Variants in CDYL observed in about 807,000 individuals in gnomAD.
The protein encoded by CDYL is chromodomain Y-like protein.
CDYL carries 8 observed loss-of-function variants against 47.3 expected under a neutral mutation model. That is an observed-to-expected ratio of 0.17 (90% CI 0.10 to 0.31). CDYL has a LOEUF of 0.31. CDYL is among the 10% of genes least tolerant of loss of function. The pLI is 1.00. For synonymous variants in CDYL, 266 were observed against 265.0 expected (o/e 1.00, Z -0.04); for missense variants, 471 against 701.4 (o/e 0.67, Z 3.71).
intron 1 of CDYL, among the ~76,000 whole-genome samples, chr6:4,866,475 C>G (rs1342954148): frequency 6.6e-6 from 1 of 151,972 alleles, no homozygotes; most frequent in Non-Finnish European, 1.5e-5. Flanking sequence ...CAACTGCATG[C>G]CAACAAGTAT....
chr6:4,909,290 G>A (rs1757333726), intron 2 of CDYL, among the ~76,000 whole-genome samples: 1 of 152,178 alleles, frequency 6.6e-6, no homozygotes, highest in Non-Finnish European at 1.5e-5. Flanking sequence ...TCAGGGAAGG[G>A]CTGCTGTGTC....
intron 1 of CDYL, among the ~76,000 whole-genome samples, chr6:4,820,421 A>G (rs1211421671): frequency 6.6e-6 from 1 of 152,122 alleles, no homozygotes; most frequent in Non-Finnish European, 1.5e-5. Context: ...AACTTTCTGA[A>G]CCCAGCTTGT....
intron 1 of CDYL, among the ~76,000 whole-genome samples, chr6:4,853,463 T>C (rs986080593): frequency 1.3e-5 from 2 of 152,136 alleles, no homozygotes; most frequent in Admixed American, 6.5e-5. Flanking sequence ...ACTGCCAGTT[T>C]TGGCAGACCT....
At position 4,892,313 on chromosome 6, in the gene CDYL, C is replaced by G. The variant is rs1416794557; in HGVS notation, c.625C>G (p.Leu209Val). ...GGGGAGCAGGCCCAGGATACACCCA[C>G]TAGTGCCTCAGGTGCCCGGCCCTGT... Reference protein sequence around the residue: ...RMGSRPRIHPLVPQVPGPVTA... With the variant: ...RMGSRPRIHPVVPQVPGPVTA... The change falls in exon 2 of 7, where the codon CTA becomes GTA. Residue 209 changes from leucine (L) to valine (V), a missense_variant. Physicochemically the swap from Leu to Val is conservative, Grantham distance 32. Around this residue, in one of 3 missense-constraint regions of CDYL, gnomAD observed 311 missense variants for 350.0 expected, o/e 0.89. Transcript: ENST00000397588. 6.2e-7 allele frequency: 1 copy of G among 1,614,118 alleles called. No individual in the cohort carries two copies. Among genetic ancestry groups the G allele is most frequent in the Non-Finnish European group, 8.5e-7 (1 of 1,180,024 alleles).
intron 3 of CDYL, among the ~76,000 whole-genome samples, chr6:4,752,538 G>T (rs1408860384): frequency 6.6e-6 from 1 of 152,096 alleles, no homozygotes; most frequent in African/African-American, 2.4e-5. Context: ...CCCTCCTGGG[G>T]CTCTCCTAAC....
Position 4,954,097 on chromosome 6 carries a change from C to A in CDYL, c.*41C>A. ...CTGGTGACACCGGGATCGGGCTGAG[C>A]AGGAGAACATCACCGGCTCCAGTTC... On this transcript the variant is annotated 3_prime_UTR_variant, in exon 7 of 7. Coordinates refer to ENST00000397588, the MANE Select transcript of CDYL (RefSeq NM_004824.4). 6.3e-7 allele frequency: 1 copy of A among 1,584,122 alleles called. No homozygotes were observed. Among genetic ancestry groups the A allele is most frequent in the African/African-American group, 1.3e-5 (1 of 74,498 alleles).
chr6:4,948,347 A>C (rs185723631), intron 5 of CDYL, among the ~76,000 whole-genome samples: 143 of 152,300 alleles, frequency 9.4e-4, no homozygotes, highest in Non-Finnish European at 1.8e-3. Flanking sequence ...TCAGGGGTAG[A>C]GGTGTCAGAG....
At chr6:4,713,271 T>C (rs1201466127) in intron 1 of CDYL, among the ~76,000 whole-genome samples, 2 of 152,102 alleles carry the variant, frequency 1.3e-5, no homozygotes, top group Non-Finnish European at 2.9e-5. Flanking sequence ...CTACCCGGCA[T>C]CTCCTTCCTC....
chr6:4,838,245 T>G (rs1040098797), intron 1 of CDYL, among the ~76,000 whole-genome samples: 2 of 152,188 alleles, frequency 1.3e-5, no homozygotes, highest in East Asian at 1.9e-4. Flanking sequence ...GAGATTTTGG[T>G]GCACCCATCA....
At chr6:4,783,151 A>G (rs1243635529) in intron 1 of CDYL, among the ~76,000 whole-genome samples, 2 of 150,934 alleles carry the variant, frequency 1.3e-5, no homozygotes, top group South Asian at 2.1e-4. Flanking sequence ...CAGATCGTCC[A>G]TCTTCTATCT....
intron 1 of CDYL, among the ~76,000 whole-genome samples, chr6:4,820,415 TTCTGAAC>T (rs1239769899): frequency 6.6e-6 from 1 of 152,132 alleles, no homozygotes; most frequent in Non-Finnish European, 1.5e-5. Context: ...AGGTTCAACT[TTCTGAAC>T]CCAGCTTGTA....
intron 2 of CDYL, among the ~76,000 whole-genome samples, chr6:4,725,392 G>C (rs139970311): frequency 3.3e-5 from 5 of 152,220 alleles, no homozygotes; most frequent in East Asian, 3.9e-4. Context: ...CGGCGCTCGT[G>C]GGGGAGGCTC....
intron 1 of CDYL, among the ~76,000 whole-genome samples, chr6:4,874,150 T>C (rs1360585764): frequency 6.6e-6 from 1 of 152,192 alleles, no homozygotes; most frequent in East Asian, 1.9e-4. Context: ...CGGTTCACTT[T>C]GGTGAGGTTA....
At chr6:4,872,441 G>T (rs1761503200) in intron 1 of CDYL, among the ~76,000 whole-genome samples, 2 of 151,888 alleles carry the variant, frequency 1.3e-5, no homozygotes, top group South Asian at 4.2e-4. Context: ...GAGTGCAGTG[G>T]TGCAGTCTCG....
intron 2 of CDYL, among the ~76,000 whole-genome samples, chr6:4,731,657 G>C (rs1757607121): frequency 6.6e-6 from 1 of 152,112 alleles, no homozygotes; most frequent in African/African-American, 2.4e-5. Context: ...TAATTAGCCA[G>C]ATGCGGTGGC....
rs142476137 is a variant in CDYL at position 4,906,554 on chromosome 6, TAC to T, written c.691+14177_691+14178del. On this transcript the variant is annotated intron_variant, in intron 2 of 6. Transcript: ENST00000397588. ...CAGCCTTGGAAGGCATGACATTGCG[TAC>T]AGAGTGTATCGGTTGCTTCTGATTT... Among the ~76,000 whole-genome samples, 36 of 152,356 alleles carry T rather than the reference TAC, an allele frequency of 2.4e-4. No individual in the cohort carries two copies. In the East Asian group the frequency reaches 6.6e-3, roughly 28 times the overall value.
chr6:4,798,357 A>G (rs940217732), intron 1 of CDYL, among the ~76,000 whole-genome samples: 1 of 152,180 alleles, frequency 6.6e-6, no homozygotes, highest in African/African-American at 2.4e-5. Context: ...CACTATTGTC[A>G]CTAGTAATGA....
At chr6:4,774,980 T>C (rs1434605220), upstream of CDYL, among the ~76,000 whole-genome samples, 1 of 152,146 alleles carries the variant, frequency 6.6e-6, no homozygotes, top group African/African-American at 2.4e-5. Context: ...GTGGTGCTTG[T>C]TCCTGGGCGT....
intron 1 of CDYL, among the ~76,000 whole-genome samples, chr6:4,794,356 C>G (rs1041729531): frequency 6.6e-6 from 1 of 151,992 alleles, no homozygotes; most frequent in Non-Finnish European, 1.5e-5. Flanking sequence ...GATTTGGCAG[C>G]GCGGAGGCCA....
Sources: allele counts gnomAD v4.1 joint callset (sites outside exome capture counted in the v4.1 genomes callset), GRCh38; gene constraint gnomAD v4.1.1; regional missense constraint gnomAD v4.1.1; transcripts MANE v1.5; gene names NCBI Gene and HGNC (gene_info 2026-07-23, HGNC 2026-07-21).